The following TSHZ1 variants were observed in gnomAD, a reference collection of about 807,000 sequenced individuals.
The protein encoded by TSHZ1 is teashirt homolog 1.
A neutral mutation model predicts 67.1 loss-of-function variants in TSHZ1; 12 were observed. The observed-to-expected ratio is 0.18, with a 90% CI of 0.11 to 0.29. TSHZ1 has a LOEUF of 0.29. Ranked by LOEUF, TSHZ1 falls within the 10% of genes least tolerant of loss-of-function variation. The pLI, the probability that TSHZ1 is intolerant of heterozygous loss-of-function variation, is 1.00. For synonymous variants in TSHZ1, 632 were observed against 622.4 expected (o/e 1.02, Z -0.23); for missense variants, 1,305 against 1,413.9 (o/e 0.92, Z 1.23).
At position 75,272,039 on chromosome 18, in the gene TSHZ1, A is replaced by G. The variant is rs373549681; in HGVS notation, c.41-13409A>G. On this transcript the variant is annotated intron_variant, in intron 1 of 1. Transcript: ENST00000580243. ...AATGGTAATTTGTATAAGTAATGGA[A>G]ACAGGTTAAATACTTCCATTCCAAT... 5.9e-5 allele frequency among the ~76,000 whole-genome samples: 9 copies of G among 152,334 alleles called. No individual in the cohort carries two copies. In the East Asian group the frequency reaches 1.7e-3, roughly 29 times the overall value.
In TSHZ1 at chr18:75,285,337, C is replaced by A. The variant is rs1049989106; in HGVS notation, c.41-111C>A. The A allele has an allele frequency of 2.5e-5, 33 of 1,336,044 alleles. 1 individual carries two copies. The Admixed American group carries it at 9.2e-4, about 37-fold the overall frequency. The allele number at this position is 1,336,044 out of a possible 1,614,324, so 82.8% of individuals were successfully genotyped here. ...ATGTAAACTTGGGGTAGCCTTGTGTCCTGGGGGCTAGGCTGACAAATATCT... is the reference window on the plus strand; with the variant it reads ...ATGTAAACTTGGGGTAGCCTTGTGTACTGGGGGCTAGGCTGACAAATATCT... On this transcript the variant is annotated intron_variant, in intron 1 of 1. Coordinates refer to ENST00000580243, the MANE Select transcript of TSHZ1 (RefSeq NM_001308210.2).
intron 1 of TSHZ1, among the ~76,000 whole-genome samples, chr18:75,261,537 C>T (rs2023430794): frequency 1.3e-5 from 2 of 152,342 alleles, no homozygotes; most frequent in African/African-American, 2.4e-5. Flanking sequence ...AAGAGGGTGG[C>T]CATTGCTTCC....
Position 75,287,110 on chromosome 18 carries a change from A to G in TSHZ1, c.1703A>G (p.Asn568Ser). The G allele has an allele frequency of 3.7e-6, 6 of 1,614,076 alleles. No individual in the cohort carries two copies. The highest frequency in any genetic ancestry group is 5.1e-6 in the Non-Finnish European group (6 of 1,179,994). ...TVSTAISKAQ[N>S]GAPSWGGYPS... ...TCCACGGCCATTAGCAAAGCTCAGAATGGTGCGCCCTCATGGGGTGGCTAC... is the reference window on the plus strand; with the variant it reads ...TCCACGGCCATTAGCAAAGCTCAGAGTGGTGCGCCCTCATGGGGTGGCTAC... The change falls in exon 2 of 2, where the codon AAT becomes AGT. Residue 568 changes from asparagine (N) to serine (S), a missense_variant. Transcript: ENST00000580243. The surrounding 1 kb of genome is among the most constrained non-coding windows in gnomAD (Gnocchi z 5.0).
chr18:75,244,472 A>T (rs900538454), intron 1 of TSHZ1: 2 of 152,410 alleles, frequency 1.3e-5, no homozygotes, highest in Admixed American at 6.5e-5. Context: ...TGGAAAAAGC[A>T]TGTGTGAACC....
chr18:75,283,481 T>C (rs1052417103), intron 1 of TSHZ1: 1 of 152,238 alleles, frequency 6.6e-6, no homozygotes, highest in Non-Finnish European at 1.5e-5. Flanking sequence ...CACATGTTGA[T>C]GCCCGTAGTT....
At chr18:75,229,097 C>T (rs534408098) in intron 1 of TSHZ1, among the ~76,000 whole-genome samples, 61 of 152,320 alleles carry the variant, frequency 4.0e-4, no homozygotes, top group African/African-American at 1.4e-3. Flanking sequence ...CAGCCCTGGG[C>T]GGGGCAGGTG....
chr18:75,264,526 A>G (rs966664156), intron 1 of TSHZ1, among the ~76,000 whole-genome samples: 17 of 151,400 alleles, frequency 1.1e-4, no homozygotes, highest in Non-Finnish European at 2.1e-4. Flanking sequence ...AGGAGAAGAA[A>G]GGGAAAGGGC....
chr18:75,262,494 G>A (rs181728144), intron 1 of TSHZ1, among the ~76,000 whole-genome samples: 1 of 152,288 alleles, frequency 6.6e-6, no homozygotes, highest in East Asian at 1.9e-4. Context: ...ACAGGCTTAT[G>A]ATATGAATGT....
intron 1 of TSHZ1, among the ~76,000 whole-genome samples, chr18:75,237,358 C>T (rs905503863): frequency 5.3e-5 from 8 of 151,998 alleles, no homozygotes; most frequent in Non-Finnish European, 1.2e-4. Flanking sequence ...CCCATATCTA[C>T]AAAAAATGCA....
At chr18:75,264,302 G>C (rs2023464646) in intron 1 of TSHZ1, among the ~76,000 whole-genome samples, 1 of 152,158 alleles carries the variant, frequency 6.6e-6, no homozygotes, top group Admixed American at 6.5e-5. Flanking sequence ...GAAATGGATA[G>C]TTTACCCTTA....
chr18:75,272,074 A>G (rs927488889), intron 1 of TSHZ1, among the ~76,000 whole-genome samples: 6 of 152,248 alleles, frequency 3.9e-5, no homozygotes, highest in African/African-American at 1.2e-4. Flanking sequence ...TGTTGCCAGC[A>G]GGGATGAAAA....
At chr18:75,261,813 G>GGTGC (rs2023434268) in intron 1 of TSHZ1, among the ~76,000 whole-genome samples, 1 of 152,170 alleles carries the variant, frequency 6.6e-6, no homozygotes, top group African/African-American at 2.4e-5. Flanking sequence ...TGACGTCGGG[G>GGTGC]GTGCGTGTTA....
chr18:75,256,405 A>G (rs1357929365), intron 1 of TSHZ1, among the ~76,000 whole-genome samples: 1 of 152,234 alleles, frequency 6.6e-6, no homozygotes, highest in Non-Finnish European at 1.5e-5. Context: ...CACATGACCC[A>G]TGGTAGAGGG....
chr18:75,286,703 C>G lies in TSHZ1; in HGVS notation c.1296C>G (p.Thr432=). 1 of 1,614,048 alleles carries G rather than the reference C, an allele frequency of 6.2e-7. No homozygotes were observed. The highest frequency in any genetic ancestry group is 1.3e-5 in the African/African-American group (1 of 75,062). Reference sequence around the variant, plus strand: ...CCCACGACACGCTGCAGCAGCTCACCGCCCACATGATGGTCACCGGGCACT... The same window carrying G: ...CCCACGACACGCTGCAGCAGCTCACGGCCCACATGATGGTCACCGGGCACT... ...GSSHDTLQQL[T]AHMMVTGHFL... The change falls in exon 2 of 2, where the codon ACC becomes ACG. Residue 432 remains threonine (T), a synonymous_variant. Coordinates refer to ENST00000580243, the MANE Select transcript of TSHZ1 (RefSeq NM_001308210.2). This position sits in a 1 kb window ranked among gnomAD's most constrained non-coding sequence, Gnocchi z 5.1.
At chr18:75,271,577 G>A (rs909419501) in intron 1 of TSHZ1, among the ~76,000 whole-genome samples, 3 of 152,188 alleles carry the variant, frequency 2.0e-5, no homozygotes, top group Non-Finnish European at 4.4e-5. Context: ...CACCTGTCTA[G>A]GTGAGTTGTG....
chr18:75,237,846 CT>C, intron 1 of TSHZ1, among the ~76,000 whole-genome samples: 1 of 149,324 alleles, frequency 6.7e-6, no homozygotes, highest in Non-Finnish European at 1.5e-5. Flanking sequence ...GGGTTTCACT[CT>C]TGTTGCCCAG....
chr18:75,259,125 G>A (rs1303582616), intron 1 of TSHZ1, among the ~76,000 whole-genome samples: 2 of 151,988 alleles, frequency 1.3e-5, no homozygotes, highest in African/African-American at 2.4e-5. Context: ...TGTGTGTGGG[G>A]TTTTCTTTAT....
chr18:75,284,347 G>A (rs936037931), intron 1 of TSHZ1: 1 of 152,688 alleles, frequency 6.5e-6, no homozygotes, highest in East Asian at 1.9e-4. Flanking sequence ...TCGTGGGCCT[G>A]TAGTAGGCAG....
In TSHZ1 at chr18:75,211,800, C is replaced by G; in HGVS notation, c.-77C>G. 1.0e-6 allele frequency: 1 copy of G among 984,106 alleles called. No individual in the cohort carries two copies. The highest frequency in any genetic ancestry group is 1.2e-6 in the Non-Finnish European group (1 of 822,042). 61.0% of individuals were successfully genotyped at this position (984,106 alleles called of 1,614,324 possible). A position where few individuals can be genotyped will look rare whatever the true frequency, so the allele number is the denominator to read the frequency against. On this transcript the variant is annotated 5_prime_UTR_variant, in exon 1 of 2. Coordinates refer to ENST00000580243, the MANE Select transcript of TSHZ1 (RefSeq NM_001308210.2). The stretch of plus-strand genomic sequence containing the variant: ...GTTGGGCGCGCCGCGGAGTTGCGCC[C>G]GCGCCCGGGGCCCCGCGTCCCCGCG...
Sources: allele counts gnomAD v4.1 joint callset (sites outside exome capture counted in the v4.1 genomes callset), GRCh38; gene constraint gnomAD v4.1.1; non-coding constraint Gnocchi (gnomAD v3.1); transcripts MANE v1.5; gene names NCBI Gene and HGNC (gene_info 2026-07-23, HGNC 2026-07-21).